GOLGA3: variants seen among roughly 807,000 people sequenced by gnomAD.
GOLGA3 encodes golgin A3.
A neutral mutation model predicts 169.4 loss-of-function variants in GOLGA3; 75 were observed. The ratio of observed to expected loss-of-function variants is 0.44; its 90% CI spans 0.37 to 0.54. The LOEUF is 0.54. GOLGA3 is among the 20% of genes least tolerant of loss of function. The pLI is 0.00. For missense variants in GOLGA3, 1,899 were observed against 1,930.0 expected (o/e 0.98, Z 0.30); for synonymous variants, 824 against 822.4 (o/e 1.00, Z -0.03).
At position 132,784,232 on chromosome 12, in the gene GOLGA3, C is replaced by T. The variant is rs760191667; in HGVS notation, c.3199G>A (p.Glu1067Lys). The change falls in exon 16 of 24, where the codon GAG (glutamate) becomes AAG (lysine). Residue 1067 changes from glutamate (E) to lysine (K), a missense_variant. By Grantham distance (56) the Glu-to-Lys change is moderately conservative (BLOSUM62 1). Transcript: ENST00000450791. Reference protein sequence around the residue: ...SKTLLEKELQEVIALTSQELE... With the variant: ...SKTLLEKELQKVIALTSQELE... ...TCCTGGCTGGTCAGCGCTATGACCTCCTGCAGTTCCTTTTCCAGCAGCGTC... is the reference window on the plus strand; with the variant it reads ...TCCTGGCTGGTCAGCGCTATGACCTTCTGCAGTTCCTTTTCCAGCAGCGTC... 36 of 1,611,088 alleles carry T rather than the reference C, an allele frequency of 2.2e-5. No individual in the cohort carries two copies. In the Middle Eastern group the frequency reaches 4.9e-4, roughly 22 times the overall value.
chr12:132,801,649 A>T, intron 8 of GOLGA3, 118 bp downstream of exon 8: 1 of 925,514 alleles, frequency 1.1e-6, no homozygotes, highest in Non-Finnish European at 1.6e-6. Flanking sequence ...GCTGGACAGC[A>T]GGTTAAAAAC....
intron 11 of GOLGA3, among the ~76,000 whole-genome samples, chr12:132,792,340 C>T (rs1948569462): frequency 6.6e-6 from 1 of 152,246 alleles, no homozygotes; most frequent in South Asian, 2.1e-4. Flanking sequence ...CTGCAGCTCA[C>T]AGGCTGCACG....
intron 12 of GOLGA3, among the ~76,000 whole-genome samples, chr12:132,790,523 C>G (rs2046171163): frequency 1.3e-5 from 2 of 152,088 alleles, no homozygotes; most frequent in Admixed American, 1.3e-4. Flanking sequence ...TTTGGATAAC[C>G]AAAATTTGTT....
At chr12:132,825,848 G>T (rs1593414161) in intron 1 of GOLGA3, 2 of 988,864 alleles carry the variant, frequency 2.0e-6, no homozygotes, top group East Asian at 2.4e-5. Context: ...ACCCAAAGAG[G>T]CTACTGAGGG....
At position 132,784,066 on chromosome 12, in the gene GOLGA3, C is replaced by T. The variant is rs762946616; in HGVS notation, c.3267+98G>A. On this transcript the variant is annotated intron_variant, in intron 16 of 23. Transcript: ENST00000450791. ...ACCAAAAGTAGCAACGCTGGGCACA[C>T]GGTGAAGTTTTGTTCTTCGGGTCTC... 2.6e-5 allele frequency: 40 copies of T among 1,566,954 alleles called. No individual in the cohort carries two copies. The Admixed American group carries it at 3.9e-4, about 15-fold the overall frequency.
At chr12:132,819,047 G>A (rs903825434) in intron 2 of GOLGA3, among the ~76,000 whole-genome samples, 1 of 144,578 alleles carries the variant, frequency 6.9e-6, no homozygotes, top group Non-Finnish European at 1.5e-5. Context: ...GCTGACTGGT[G>A]GGTGGGCCAG....
rs756875967 is a variant in GOLGA3, at chr12:132,804,735, C to T, written c.1578G>A (p.Met526Ile). The T allele has an allele frequency of 1.2e-6, 2 of 1,613,284 alleles. No individual in the cohort carries two copies. Among genetic ancestry groups the T allele is most frequent in the Non-Finnish European group, 1.7e-6 (2 of 1,179,420 alleles). The change falls in exon 7 of 24, where the codon ATG becomes ATA. Residue 526 changes from methionine to isoleucine, a missense_variant. Met to Ile is a conservative substitution (Grantham distance 10). Coordinates refer to ENST00000450791, the MANE Select transcript of GOLGA3 (RefSeq NM_001389683.1). This position sits in a 1 kb window ranked among gnomAD's most constrained non-coding sequence, Gnocchi z 4.1. Reference protein sequence around the residue: ...MAKVEDMQRSMLSKDNTVHDL... With the variant: ...MAKVEDMQRSILSKDNTVHDL... ...CCTCACCTGTGTTGTCCTTGCTGAG[C>T]ATGCTCCTCTGCATGTCCTCTACCT...
intron 4 of GOLGA3, among the ~76,000 whole-genome samples, chr12:132,811,617 C>T (rs1237332020): frequency 6.6e-6 from 1 of 151,828 alleles, no homozygotes; most frequent in Non-Finnish European, 1.5e-5. Context: ...TGTGCCATCA[C>T]ATCCGGCTAA....
intron 1 of GOLGA3, among the ~76,000 whole-genome samples, chr12:132,825,471 C>T (rs1180311792): frequency 5.9e-5 from 9 of 152,182 alleles, no homozygotes; most frequent in Admixed American, 1.3e-4. Context: ...TTTAATTTGC[C>T]GAATTAAATC....
At chr12:132,826,110 T>C (rs921067446) in intron 1 of GOLGA3, 25 of 1,537,224 alleles carry the variant, frequency 1.6e-5, no homozygotes, top group Non-Finnish European at 2.2e-5. Flanking sequence ...TGCCGGCCTC[T>C]GAGCAAGACA....
chr12:132,805,060 A>T lies in GOLGA3; in HGVS notation c.1291-38T>A, dbSNP rs758171616. 6 of 1,582,806 alleles carry T rather than the reference A, an allele frequency of 3.8e-6. No homozygotes were observed. In the Admixed American group the frequency reaches 1.0e-4, roughly 27 times the overall value. On this transcript the variant is annotated intron_variant, in intron 6 of 23. Coordinates refer to ENST00000450791, the MANE Select transcript of GOLGA3 (RefSeq NM_001389683.1). ...CAACAACCACAATGATTTTAAGAAA[A>T]CGAGTCACTTCCATCCAGTGTATTA...
chr12:132,809,432 C>T (rs1299742036), intron 4 of GOLGA3, among the ~76,000 whole-genome samples: 3 of 147,444 alleles, frequency 2.0e-5, no homozygotes, highest in African/African-American at 7.5e-5. Context: ...CAACCCCCAC[C>T]CCCGCCCCCC....
At chr12:132,798,617 A>C in intron 8 of GOLGA3, 140 bp from the exon 9 acceptor site, 8 of 323,346 alleles carry the variant, frequency 2.5e-5, no homozygotes, top group South Asian at 8.6e-5. Flanking sequence ...TACCCACTAC[A>C]CGTCTTCCCA....
At chr12:132,783,976 C>G (rs1310189629) in intron 16 of GOLGA3, 188 bp downstream of exon 16, 34 of 1,482,746 alleles carry the variant, frequency 2.3e-5, no homozygotes, top group African/African-American at 2.8e-5. Flanking sequence ...TGATCCTCCC[C>G]AGAGGGCTGG....
In GOLGA3 at chr12:132,773,291, C is replaced by G; in HGVS notation, c.4311G>C (p.Gln1437His). 2 of 1,406,096 alleles carry G rather than the reference C, an allele frequency of 1.4e-6. No individual in the cohort carries two copies. The highest frequency in any genetic ancestry group is 3.0e-5 in the South Asian group (2 of 66,116). 87.1% of individuals were successfully genotyped at this position (1,406,096 alleles called of 1,614,324 possible). A position where few individuals can be genotyped will look rare whatever the true frequency, so the allele number is the denominator to read the frequency against. The change falls in exon 24 of 24, where the codon CAG (glutamine) becomes CAC (histidine). Residue 1437 changes from glutamine (Q) to histidine (H), a missense_variant. Coordinates refer to ENST00000450791, the MANE Select transcript of GOLGA3 (RefSeq NM_001389683.1). ...TCTGGCGCTGCAGGCTGTCCATCTC[C>G]TGCCTGGGACAGAAGAAGGAGGAAG... ...NLNSCLQQLK[Q>H]EMDSLQRQME...
At chr12:132,775,430 G>A in intron 21 of GOLGA3, 125 bp from the exon 22 acceptor site, 1 of 770,218 alleles carries the variant, frequency 1.3e-6, no homozygotes, top group South Asian at 1.9e-5. Flanking sequence ...GATGATGCCA[G>A]TCCAGGTCCA....
At chr12:132,791,319 T>C (rs1232636988) in intron 11 of GOLGA3, 26 bp from the exon 12 acceptor site, 8 of 1,372,262 alleles carry the variant, frequency 5.8e-6, no homozygotes, top group Non-Finnish European at 7.2e-6. Flanking sequence ...GCACAGACAT[T>C]ACACTGACGG....
intron 9 of GOLGA3, among the ~76,000 whole-genome samples, chr12:132,797,088 T>A (rs866147019): frequency 6.6e-6 from 1 of 152,146 alleles, no homozygotes; most frequent in Non-Finnish European, 1.5e-5. Flanking sequence ...CACATCGGGG[T>A]ACACTTCTTA....
At chr12:132,826,963 C>T (rs1362475647) in intron 1 of GOLGA3, among the ~76,000 whole-genome samples, 1 of 152,180 alleles carries the variant, frequency 6.6e-6, no homozygotes, top group East Asian at 1.9e-4. Flanking sequence ...CGCACTCCTG[C>T]GTCTCTAGAG....
Sources: gnomAD v4.1 joint callset for allele counts (sites outside exome capture counted in the v4.1 genomes callset) on GRCh38, gnomAD v4.1.1 for gene constraint, Gnocchi (gnomAD v3.1) non-coding constraint, MANE v1.5 for transcripts, NCBI Gene and HGNC (gene_info 2026-07-23, HGNC 2026-07-21) for gene names.